The following HDAC4 variants were observed in gnomAD, a reference collection of about 807,000 sequenced individuals.
HDAC4 encodes the protein histone deacetylase A.
A neutral mutation model predicts 135.1 loss-of-function variants in HDAC4; 16 were observed. That is an observed-to-expected ratio of 0.12 (90% CI 0.08 to 0.18). The LOEUF is 0.18. Ranked by LOEUF, HDAC4 falls within the 10% of genes least tolerant of loss-of-function variation. The pLI, the probability that HDAC4 is intolerant of heterozygous loss-of-function variation, is 1.00. For synonymous variants in HDAC4, 685 were observed against 653.4 expected (o/e 1.05, Z -0.74); for missense variants, 1,143 against 1,511.8 (o/e 0.76, Z 4.05).
In HDAC4 at chr2:239,081,837, T is replaced by A. The variant is rs531528567; in HGVS notation, c.2652+265A>T. ...AGGAAAACGGGCACCACACACCTCCTCCTTCACAAACACCTCTGTCTGCCT... is the reference window on the plus strand; with the variant it reads ...AGGAAAACGGGCACCACACACCTCCACCTTCACAAACACCTCTGTCTGCCT... On this transcript the variant is annotated intron_variant, in intron 21 of 26. Transcript: ENST00000543185. Among the ~76,000 whole-genome samples the A allele has an allele frequency of 8.8e-4, 134 of 152,310 alleles. 4 individuals are homozygous for A. In the South Asian group the frequency reaches 0.017, roughly 19 times the overall value.
chr2:239,112,154 G>C (rs888338072), intron 13 of HDAC4, among the ~76,000 whole-genome samples: 1 of 152,172 alleles, frequency 6.6e-6, no homozygotes, highest in Non-Finnish European at 1.5e-5. Context: ...TCTTGCTGGG[G>C]CGGCAGCCTG....
chr2:239,088,848 T>C (rs2036234435), intron 18 of HDAC4, among the ~76,000 whole-genome samples: 1 of 152,198 alleles, frequency 6.6e-6, no homozygotes, highest in Non-Finnish European at 1.5e-5. Context: ...ATAAGACTTC[T>C]GGTGAGATGG....
chr2:239,212,686 A>C (rs1159075141), intron 3 of HDAC4, among the ~76,000 whole-genome samples: 1 of 152,202 alleles, frequency 6.6e-6, no homozygotes, highest in Non-Finnish European at 1.5e-5. Flanking sequence ...AGGGGCAGTG[A>C]GAGCTGACAT....
rs192773738 is a variant in HDAC4 at position 239,243,294 on chromosome 2, A to G, written c.23-6630T>C. Reference sequence around the variant, plus strand: ...CAGCCTCCCGAATAGGTGAGACTACAGGCACCCGCCACCAAGCCCAGCTAG... The same window carrying G: ...CAGCCTCCCGAATAGGTGAGACTACGGGCACCCGCCACCAAGCCCAGCTAG... On this transcript the variant is annotated intron_variant, in intron 2 of 26. Coordinates refer to ENST00000543185, the MANE Select transcript of HDAC4 (RefSeq NM_001378414.1). Among the ~76,000 whole-genome samples, 7 of 151,994 alleles carry G rather than the reference A, an allele frequency of 4.6e-5. No individual in the cohort carries two copies. The South Asian group carries it at 1.0e-3, about 23-fold the overall frequency.
chr2:239,138,890 C>T (rs945943929), intron 9 of HDAC4, among the ~76,000 whole-genome samples: 7 of 152,190 alleles, frequency 4.6e-5, no homozygotes, highest in East Asian at 1.9e-4. Flanking sequence ...GGAAAGCCTC[C>T]GAGTATGGTC....
At chr2:239,354,860 C>G (rs1693391965) in intron 1 of HDAC4, among the ~76,000 whole-genome samples, 1 of 152,096 alleles carries the variant, frequency 6.6e-6, no homozygotes, top group Non-Finnish European at 1.5e-5. Context: ...TTTTCAAACC[C>G]TCACAAATCT....
At chr2:239,283,716 A>G (rs2050962489) in intron 2 of HDAC4, among the ~76,000 whole-genome samples, 1 of 152,208 alleles carries the variant, frequency 6.6e-6, no homozygotes, top group African/African-American at 2.4e-5. Flanking sequence ...CGCGAGCGGT[A>G]ACAGCAGTGC....
intron 3 of HDAC4, among the ~76,000 whole-genome samples, chr2:239,222,875 A>G (rs2047040962): frequency 2.6e-5 from 4 of 152,288 alleles, no homozygotes; most frequent in Admixed American, 2.0e-4. Flanking sequence ...GCAGCCAGTA[A>G]GCATTGTCAC....
chr2:239,156,304 C>T (rs1335510457), intron 7 of HDAC4, among the ~76,000 whole-genome samples: 1 of 152,204 alleles, frequency 6.6e-6, no homozygotes, highest in African/African-American at 2.4e-5. Flanking sequence ...CGGCACATGG[C>T]CCACCAACAG....
chr2:239,175,497 C>T (rs2043704337), intron 5 of HDAC4, among the ~76,000 whole-genome samples: 1 of 152,166 alleles, frequency 6.6e-6, no homozygotes, highest in Non-Finnish European at 1.5e-5. Flanking sequence ...TGGGAAACAG[C>T]AAATACAGTG....
At chr2:239,377,482 C>T (rs999085829) in intron 1 of HDAC4, among the ~76,000 whole-genome samples, 22 of 152,092 alleles carry the variant, frequency 1.4e-4, no homozygotes, top group Non-Finnish European at 2.6e-4. Context: ...CTGGACCCTC[C>T]TGGAGGCCCT....
intron 15 of HDAC4, among the ~76,000 whole-genome samples, chr2:239,103,138 A>G (rs2037810126): frequency 6.6e-6 from 1 of 152,252 alleles, no homozygotes; most frequent in South Asian, 2.1e-4. Flanking sequence ...ACTTTAAAAG[A>G]TAATTCCAGC....
At chr2:239,302,628 T>G (rs753272636) in intron 2 of HDAC4, among the ~76,000 whole-genome samples, 24 of 152,204 alleles carry the variant, frequency 1.6e-4, no homozygotes, top group Non-Finnish European at 3.4e-4. Context: ...AGTGACTTTT[T>G]GTGGACATGG....
At chr2:239,201,875 A>T (rs2045777400) in intron 3 of HDAC4, among the ~76,000 whole-genome samples, 1 of 152,202 alleles carries the variant, frequency 6.6e-6, no homozygotes, top group African/African-American at 2.4e-5. Flanking sequence ...CCAAACTCAA[A>T]GCACCTTCCA....
intron 2 of HDAC4, among the ~76,000 whole-genome samples, chr2:239,253,943 T>G (rs904483377): frequency 6.6e-6 from 1 of 152,054 alleles, no homozygotes; most frequent in Non-Finnish European, 1.5e-5. Context: ...GCAGAACTCT[T>G]GGAGGACTGT....
chr2:239,298,363 A>T, intron 2 of HDAC4: 1 of 1,192,838 alleles, frequency 8.4e-7, no homozygotes, highest in Non-Finnish European at 1.1e-6. Flanking sequence ...CCTGACACAC[A>T]GTAGGGATCC....
Position 239,066,805 on chromosome 2 carries a change from C to G in HDAC4, c.2920G>C (p.Val974Leu), listed in dbSNP as rs200450668. The G allele has an allele frequency of 2.5e-6, 4 of 1,613,478 alleles. No homozygotes were observed. In the South Asian group the frequency reaches 4.4e-5, roughly 18 times the overall value. The change falls in exon 24 of 27, where the codon GTC becomes CTC. Residue 974 changes from valine (V) to leucine (L), a missense_variant. Val to Leu is a conservative substitution (Grantham distance 32). This residue lies in a region of HDAC4 where 189 missense variants were observed against 317.6 expected (regional missense o/e 0.60). Transcript: ENST00000543185. ...QLMGLAGGRIVLALEGGHDLT... is the reference protein window; with the variant it reads ...QLMGLAGGRILLALEGGHDLT... ...TCGTGGCCTCCCTCGAGGGCCAGGA[C>G]AATCCGGCCGCCAGCCAGGCCCATC...
intron 1 of HDAC4, among the ~76,000 whole-genome samples, chr2:239,364,733 A>T (rs1694074098): frequency 2.0e-5 from 3 of 152,262 alleles, no homozygotes; most frequent in African/African-American, 7.2e-5. Flanking sequence ...ACCAAGAAAG[A>T]TCCAAATAAT....
chr2:239,342,190 C>CCATAATGATAAGCAACCA (rs1692339860), intron 2 of HDAC4, among the ~76,000 whole-genome samples: 1 of 151,764 alleles, frequency 6.6e-6, no homozygotes, highest in Non-Finnish European at 1.5e-5. Flanking sequence ...AAGCAATCTT[C>CCATAATGATAAGCAACCA]TAAGAAAATG....
Sources: gnomAD v4.1 joint callset for allele counts (sites outside exome capture counted in the v4.1 genomes callset) on GRCh38, gnomAD v4.1.1 for gene constraint, gnomAD v4.1.1 regional missense constraint, MANE v1.5 for transcripts, NCBI Gene and HGNC (gene_info 2026-07-23, HGNC 2026-07-21) for gene names.